Variants in ADCY8 observed in about 807,000 individuals in gnomAD.
ADCY8 encodes the protein adenylate cyclase 8, also known as adenylate cyclase type 8.
Under a neutral mutation model 119.7 loss-of-function variants are expected in ADCY8, and 51 were observed. The observed-to-expected ratio is 0.43, with a 90% CI of 0.34 to 0.54. The LOEUF (loss-of-function observed/expected upper bound fraction) is 0.54, where lower values mean the gene tolerates loss of function less well. Among genes scored for constraint, ADCY8 ranks in the 20% least tolerant of loss-of-function variants. The pLI is 0.03. For missense variants in ADCY8, 1,383 were observed against 1,598.8 expected (o/e 0.87, Z 2.30); for synonymous variants, 665 against 651.0 (o/e 1.02, Z -0.33).
rs761952297 is a variant in ADCY8, at chr8:131,039,714, G to T, written c.620C>A (p.Pro207His). 14 of 1,614,140 alleles carry T rather than the reference G, an allele frequency of 8.7e-6. No homozygotes were observed. The highest frequency in any genetic ancestry group is 4.2e-6 in the Non-Finnish European group (5 of 1,180,032). Residue 207 changes from proline to histidine, a missense_variant, in exon 1 of 18, where the codon CCC becomes CAC. Coordinates refer to ENST00000286355, the MANE Select transcript of ADCY8 (RefSeq NM_001115.3). ...CAGGATGCCCTTGAGCGGGTCCATG[G>T]GGGCCGAGGCCAGGCTCAAGTGTAG... is the stretch of plus-strand genomic sequence containing the variant. ...LVLHLSLASA[P>H]MDPLKGILLG...
chr8:130,788,852 A>G (rs1359566056), intron 15 of ADCY8, among the ~76,000 whole-genome samples: 2 of 152,128 alleles, frequency 1.3e-5, no homozygotes, highest in African/African-American at 4.8e-5. Flanking sequence ...AAAATAATGA[A>G]CTCTTGAAAC....
chr8:130,791,666 A>G (rs1815429238), intron 15 of ADCY8, among the ~76,000 whole-genome samples: 1 of 152,206 alleles, frequency 6.6e-6, no homozygotes, highest in Non-Finnish European at 1.5e-5. Flanking sequence ...AGGAGATTAT[A>G]GTAGTGCACA....
intron 7 of ADCY8, among the ~76,000 whole-genome samples, chr8:130,903,541 A>AG (rs1458586211): frequency 6.0e-5 from 9 of 149,512 alleles, no homozygotes; most frequent in East Asian, 2.0e-4. Context: ...AAAAAAAAAA[A>AG]AGAGAGAGAG....
chr8:130,936,073 A>ATGTGTGTGTGTGTGTGTGTG (rs35028784), intron 5 of ADCY8, among the ~76,000 whole-genome samples: 17 of 147,178 alleles, frequency 1.2e-4, no homozygotes, highest in African/African-American at 4.1e-4. Context: ...AAGCACTGAC[A>ATGTGTGTGTGTGTGTGTGTG]TGTGTGTGTG....
At chr8:130,958,521 C>A (rs1456297748) in intron 2 of ADCY8, among the ~76,000 whole-genome samples, 1 of 152,126 alleles carries the variant, frequency 6.6e-6, no homozygotes, top group African/African-American at 2.4e-5. Context: ...TTAATGGATT[C>A]ACAGTTCCAC....
At chr8:130,827,180 G>A (rs1272429967) in intron 12 of ADCY8, among the ~76,000 whole-genome samples, 2 of 152,096 alleles carry the variant, frequency 1.3e-5, no homozygotes, top group South Asian at 2.1e-4. Flanking sequence ...AGATAGTGAG[G>A]GTATGGAAGT....
intron 2 of ADCY8, among the ~76,000 whole-genome samples, chr8:130,972,703 G>A (rs1821958286): frequency 6.6e-6 from 1 of 152,078 alleles, no homozygotes; most frequent in Non-Finnish European, 1.5e-5. Context: ...CGGTCATTTA[G>A]GAAACCGCAC....
At chr8:130,813,099 C>A (rs1014493006) in intron 14 of ADCY8, among the ~76,000 whole-genome samples, 3 of 152,034 alleles carry the variant, frequency 2.0e-5, no homozygotes, top group Non-Finnish European at 2.9e-5. Context: ...AGGCGCCTGC[C>A]CCCACGCTTG....
chr8:130,917,110 A>G (rs1021231134), intron 5 of ADCY8, among the ~76,000 whole-genome samples: 6 of 152,212 alleles, frequency 3.9e-5, no homozygotes, highest in Admixed American at 6.5e-5. Flanking sequence ...GATTTTATAG[A>G]TGAGCAAACT....
At chr8:130,814,375 G>A (rs1435446) in intron 13 of ADCY8, 148 bp from the exon 14 acceptor site, 200,458 of 834,074 alleles carry the variant, frequency 0.24, 24,611 homozygotes, top group East Asian at 0.27. Context: ...GAGGCATTTT[G>A]TTGGAAGCCA....
At chr8:130,909,895 A>T in intron 5 of ADCY8, 29 bp from the exon 6 acceptor site, 1 of 1,610,814 alleles carries the variant, frequency 6.2e-7, no homozygotes, top group Non-Finnish European at 8.5e-7. Flanking sequence ...GGAGAGACAC[A>T]TGTATAAGAC....
At chr8:131,008,782 T>A (rs1823205400) in intron 1 of ADCY8, among the ~76,000 whole-genome samples, 1 of 152,196 alleles carries the variant, frequency 6.6e-6, no homozygotes, top group South Asian at 2.1e-4. Context: ...GTTGAATGGC[T>A]TTGACCAAAA....
At chr8:130,812,792 A>G (rs1196413356) in intron 14 of ADCY8, among the ~76,000 whole-genome samples, 2 of 152,238 alleles carry the variant, frequency 1.3e-5, no homozygotes, top group Non-Finnish European at 2.9e-5. Context: ...ACACATATGT[A>G]TGTATATGTG....
At chr8:130,784,223 T>G (rs1158873571) in intron 16 of ADCY8, among the ~76,000 whole-genome samples, 1 of 147,848 alleles carries the variant, frequency 6.8e-6, no homozygotes, top group African/African-American at 2.5e-5. Context: ...TGGGTATGGG[T>G]ATGTGTGTGT....
At chr8:130,796,625 G>A (rs1411570507) in intron 15 of ADCY8, among the ~76,000 whole-genome samples, 1 of 151,624 alleles carries the variant, frequency 6.6e-6, no homozygotes, top group East Asian at 1.9e-4. Context: ...AAACAAAAAA[G>A]GCAGGTCTGA....
chr8:130,792,961 C>T (rs1815469010), intron 15 of ADCY8, among the ~76,000 whole-genome samples: 1 of 152,144 alleles, frequency 6.6e-6, no homozygotes, highest in Admixed American at 6.5e-5. Context: ...AGGCAGGAAC[C>T]AGCTCCAGCC....
chr8:130,800,349 A>G, intron 15 of ADCY8, 77 bp downstream of exon 15: 2 of 1,535,554 alleles, frequency 1.3e-6, no homozygotes, highest in South Asian at 2.4e-5. Flanking sequence ...AAAAATAAGT[A>G]ATTCCTACAA....
chr8:130,949,519 A>G (rs112499092), intron 3 of ADCY8: 20 of 152,098 alleles, frequency 1.3e-4, no homozygotes, highest in African/African-American at 4.8e-4. Context: ...CCATTTTGCC[A>G]CCAGGGAAGG....
At chr8:130,918,791 G>A (rs927594146) in intron 5 of ADCY8, among the ~76,000 whole-genome samples, 1 of 152,302 alleles carries the variant, frequency 6.6e-6, no homozygotes, top group East Asian at 1.9e-4. Flanking sequence ...GCCGGGCACG[G>A]TGGCTCATGC....
Sources: allele counts gnomAD v4.1 joint callset (sites outside exome capture counted in the v4.1 genomes callset), GRCh38; gene constraint gnomAD v4.1.1; transcripts MANE v1.5; gene names NCBI Gene and HGNC (gene_info 2026-07-23, HGNC 2026-07-21).